Variants in SNTA1 observed in about 807,000 individuals in gnomAD.
The protein encoded by SNTA1 is alpha-1-syntrophin.
SNTA1 carries 31 observed loss-of-function variants against 47.1 expected under a neutral mutation model. That is an observed-to-expected ratio of 0.66 (90% CI 0.49 to 0.89). SNTA1 has a LOEUF of 0.89. Ranked by LOEUF, SNTA1 falls within the 40% of genes least tolerant of loss-of-function variation. SNTA1 has a pLI of 0.00. For missense variants in SNTA1, 575 were observed against 693.0 expected (o/e 0.83, Z 1.91); for synonymous variants, 300 against 313.6 (o/e 0.96, Z 0.46).
rs1367941078 is a variant in SNTA1 at position 33,417,929 on chromosome 20, T to G, written c.497-6A>C. Reference sequence around the variant, plus strand: ...GACGTCCTTCATATACTTGACTGATTGGGAGAGACATCAGCAGTCACCACT... The same window carrying G: ...GACGTCCTTCATATACTTGACTGATGGGGAGAGACATCAGCAGTCACCACT... On this transcript the variant is annotated splice_region_variant and splice_polypyrimidine_tract_variant and intron_variant, in intron 2 of 7. Coordinates refer to ENST00000217381, the MANE Select transcript of SNTA1 (RefSeq NM_003098.3). 1 of 1,602,018 alleles carries G rather than the reference T, an allele frequency of 6.2e-7. No homozygotes were observed. The highest frequency in any genetic ancestry group is 2.2e-5 in the East Asian group (1 of 44,756).
intron 3 of SNTA1, among the ~76,000 whole-genome samples, chr20:33,414,010 G>A (rs545313912): frequency 2.0e-4 from 31 of 151,840 alleles, no homozygotes; most frequent in Admixed American, 1.4e-3. Flanking sequence ...AAGCCAAAGC[G>A]GGTGGATCAC....
At position 33,408,486 on chromosome 20, in the gene SNTA1, G is replaced by A; in HGVS notation, c.*21C>T. 1.3e-6 allele frequency: 2 copies of A among 1,567,810 alleles called. No homozygotes were observed. The highest frequency in any genetic ancestry group is 3.4e-4 in the Middle Eastern group (2 of 5,966). On this transcript the variant is annotated 3_prime_UTR_variant, in exon 8 of 8. Transcript: ENST00000217381. ...CCATGTCATGGACACCCCTCTTCAG[G>A]GCTAGTGCATCCGGCGACTTCTAGG...
At chr20:33,423,624 G>A (rs1343468092) in intron 2 of SNTA1, among the ~76,000 whole-genome samples, 1 of 152,124 alleles carries the variant, frequency 6.6e-6, no homozygotes, top group East Asian at 1.9e-4. Flanking sequence ...ATCTGGCTCT[G>A]GCCCCAAAGA....
At chr20:33,418,303 TAG>T (rs1989930147) in intron 2 of SNTA1, among the ~76,000 whole-genome samples, 1 of 148,778 alleles carries the variant, frequency 6.7e-6, no homozygotes, top group African/African-American at 2.5e-5. Flanking sequence ...TCACCCAGAC[TAG>T]AGTGCCATGG....
At chr20:33,435,922 C>T (rs1202720172) in intron 2 of SNTA1, among the ~76,000 whole-genome samples, 1 of 152,000 alleles carries the variant, frequency 6.6e-6, no homozygotes, top group East Asian at 1.9e-4. Context: ...GGGCCGGGCG[C>T]GGTGGCTCAC....
chr20:33,417,580 G>C, intron 3 of SNTA1, 139 bp downstream of exon 3: 1 of 689,494 alleles, frequency 1.5e-6, no homozygotes, highest in Admixed American at 2.1e-5. Flanking sequence ...CAGGCTTCCA[G>C]TCAATCTATT....
At position 33,408,178 on chromosome 20, in the gene SNTA1, A is replaced by T; in HGVS notation, c.*329T>A. The T allele has an allele frequency of 2.6e-6, 1 of 387,712 alleles. No homozygotes were observed. 24.0% of individuals were successfully genotyped at this position (387,712 alleles called of 1,614,324 possible). A position where few individuals can be genotyped will look rare whatever the true frequency, so the allele number is the denominator to read the frequency against. Reference sequence around the variant, plus strand: ...CTTAGGGGCCTCGAGGAGGCCCGGCAGCTCAGCTGTTGGCTGGGGTCAGGA... The same window carrying T: ...CTTAGGGGCCTCGAGGAGGCCCGGCTGCTCAGCTGTTGGCTGGGGTCAGGA... On this transcript the variant is annotated 3_prime_UTR_variant, in exon 8 of 8. Coordinates refer to ENST00000217381, the MANE Select transcript of SNTA1 (RefSeq NM_003098.3).
At chr20:33,425,414 C>T (rs1309980964) in intron 2 of SNTA1, among the ~76,000 whole-genome samples, 1 of 152,020 alleles carries the variant, frequency 6.6e-6, no homozygotes, top group Non-Finnish European at 1.5e-5. Flanking sequence ...AATTCCAGCA[C>T]TGTGGGAGGC....
At chr20:33,426,807 C>T (rs551525241) in intron 2 of SNTA1, among the ~76,000 whole-genome samples, 1 of 151,858 alleles carries the variant, frequency 6.6e-6, no homozygotes, top group African/African-American at 2.4e-5. Context: ...TGGCTCACAC[C>T]TGTGAGCACT....
At position 33,410,276 on chromosome 20, in the gene SNTA1, A is replaced by G; in HGVS notation, c.1096T>C (p.Phe366Leu). 1.9e-6 allele frequency: 3 copies of G among 1,612,336 alleles called. No homozygotes were observed. The highest frequency in any genetic ancestry group is 2.5e-6 in the Non-Finnish European group (3 of 1,179,712). ...GSVPYDAELSFALRTGTRHGV... is the reference protein window; with the variant it reads ...GSVPYDAELSLALRTGTRHGV... ...TGACGCGTGCCCGTGCGCAGGGCAA[A>G]AGAGAGCTCTGCATCGTAGGGCACT... The change falls in exon 6 of 8, where the codon TTT (phenylalanine) becomes CTT (leucine). Residue 366 changes from phenylalanine (F) to leucine (L), a missense_variant. Phe to Leu is a conservative substitution (Grantham distance 22, BLOSUM62 0). Transcript: ENST00000217381.
chr20:33,422,533 T>C (rs1990062015), intron 2 of SNTA1, among the ~76,000 whole-genome samples: 1 of 151,686 alleles, frequency 6.6e-6, no homozygotes, highest in Non-Finnish European at 1.5e-5. Context: ...GTCCCAGCAC[T>C]TGGGGAGGCT....
chr20:33,410,742 T>C (rs920403560), intron 5 of SNTA1, among the ~76,000 whole-genome samples: 1 of 152,236 alleles, frequency 6.6e-6, no homozygotes, highest in Non-Finnish European at 1.5e-5. Flanking sequence ...TACTTTTTAA[T>C]CATGGTACCA....
intron 1 of SNTA1, among the ~76,000 whole-genome samples, chr20:33,440,827 C>G (rs1990560755): frequency 6.6e-6 from 1 of 152,158 alleles, no homozygotes; most frequent in Admixed American, 6.6e-5. Context: ...CACACACACA[C>G]AAAAAGGCAA....
rs1355950580 is a variant in SNTA1 at position 33,412,301 on chromosome 20, G to A, written c.1035C>T (p.Ala345=). ...CTGCCCCTGCCTGTGGGTACCTGGTGGCGATGAGTGGGGCAGTACGGGCTG... is the reference window on the plus strand; with the variant it reads ...CTGCCCCTGCCTGTGGGTACCTGGTAGCGATGAGTGGGGCAGTACGGGCTG... ...SRPARTAPLI[A]TRLVHSGPSK... Residue 345 remains alanine, a synonymous_variant, in exon 5 of 8, where the codon GCC becomes GCT. Transcript: ENST00000217381. 1 of 1,611,380 alleles carries A rather than the reference G, an allele frequency of 6.2e-7. No individual in the cohort carries two copies. Among genetic ancestry groups the A allele is most frequent in the Non-Finnish European group, 8.5e-7 (1 of 1,179,436 alleles).
chr20:33,412,230 T>C, intron 5 of SNTA1, 66 bp downstream of exon 5: 3 of 1,552,594 alleles, frequency 1.9e-6, no homozygotes, highest in Non-Finnish European at 2.6e-6. Context: ...TCCCAGCTTC[T>C]GGGGCCCTGC....
intron 2 of SNTA1, among the ~76,000 whole-genome samples, chr20:33,436,546 A>G (rs969975921): frequency 5.9e-5 from 9 of 152,134 alleles, no homozygotes; most frequent in African/African-American, 1.7e-4. Flanking sequence ...TTAAGTATCA[A>G]AAAAATGCAT....
intron 3 of SNTA1, among the ~76,000 whole-genome samples, chr20:33,415,346 C>G (rs1003647757): frequency 6.6e-5 from 10 of 152,202 alleles, no homozygotes; most frequent in Non-Finnish European, 1.3e-4. Context: ...AATACTACTT[C>G]ACCTTCACAC....
intron 2 of SNTA1, among the ~76,000 whole-genome samples, chr20:33,425,207 G>T (rs139243998): frequency 0.013 from 1,966 of 152,182 alleles, 38 homozygotes; most frequent in African/African-American, 0.045. Context: ...AGCCAGGGAG[G>T]TCAAGGCTGC....
At chr20:33,414,245 C>CAAAAAAAAAAAAAAAAAAAAAAA (rs56186098) in intron 3 of SNTA1, among the ~76,000 whole-genome samples, 10 of 29,268 alleles carry the variant, frequency 3.4e-4, no homozygotes, top group African/African-American at 4.8e-4. Flanking sequence ...TCTCAAAAAC[C>CAAAAAAAAAAAAAAAAAAAAAAA]AAAAAAAAAA....
Sources: allele counts gnomAD v4.1 joint callset (sites outside exome capture counted in the v4.1 genomes callset), GRCh38; gene constraint gnomAD v4.1.1; transcripts MANE v1.5; gene names NCBI Gene and HGNC (gene_info 2026-07-23, HGNC 2026-07-21).